The following CSRNP3 variants were observed in gnomAD, a reference collection of about 807,000 sequenced individuals.
The protein encoded by CSRNP3 is cysteine/serine-rich nuclear protein 3.
A neutral mutation model predicts 48.0 loss-of-function variants in CSRNP3; 12 were observed. The ratio of observed to expected loss-of-function variants is 0.25; its 90% CI spans 0.16 to 0.41. The LOEUF is 0.41. CSRNP3 is among the 10% of genes least tolerant of loss of function. The probability of loss-of-function intolerance (pLI) is 1.00; values close to 1 mark genes in which losing one functional copy is unlikely to be tolerated. For missense variants in CSRNP3, 580 were observed against 724.4 expected (o/e 0.80, Z 2.29); for synonymous variants, 263 against 269.7 (o/e 0.98, Z 0.24).
intron 3 of CSRNP3, among the ~76,000 whole-genome samples, chr2:165,578,499 G>T (rs542757354): frequency 6.6e-6 from 1 of 152,140 alleles, no homozygotes; most frequent in South Asian, 2.1e-4. Context: ...TGAAGAACTT[G>T]ATCTAAAGGA....
rs1282582805 is a variant in CSRNP3, at chr2:165,642,097, CACACAA to C, written c.149-15658_149-15653del. 3.1e-3 allele frequency among the ~76,000 whole-genome samples: 391 copies of C among 125,328 alleles called. 3 individuals carry two copies. The highest frequency in any genetic ancestry group is 0.013 in the African/African-American group (360 of 27,846). The allele number at this position is 125,328 out of a possible 152,430, so 82.2% of individuals were successfully genotyped here. On this transcript the variant is annotated intron_variant, in intron 4 of 6. Transcript: ENST00000651982. ...ATCCAGTAGTACCTGAGAATACACA[CACACAA>C]ACACACACACACACACACACACACA... is the stretch of plus-strand genomic sequence containing the variant.
At chr2:165,673,129 C>CTATTT (rs1687357217) in intron 5 of CSRNP3, among the ~76,000 whole-genome samples, 1 of 42,982 alleles carries the variant, frequency 2.3e-5, no homozygotes, top group Non-Finnish European at 5.2e-5. Context: ...CAGTATGTAG[C>CTATTT]TCTTTTTTTT....
At chr2:165,635,560 G>A (rs1452390474) in intron 4 of CSRNP3, among the ~76,000 whole-genome samples, 1 of 152,162 alleles carries the variant, frequency 6.6e-6, no homozygotes, top group Non-Finnish European at 1.5e-5. Context: ...GTAAGAACAT[G>A]TTATCATAGG....
At chr2:165,665,720 A>G (rs1179337937) in intron 5 of CSRNP3, among the ~76,000 whole-genome samples, 2 of 150,580 alleles carry the variant, frequency 1.3e-5, no homozygotes, top group Non-Finnish European at 3.0e-5. Flanking sequence ...TGATTGTGCC[A>G]TTGTACTGTA....
chr2:165,508,940 CTT>C (rs1462979933), intron 2 of CSRNP3, among the ~76,000 whole-genome samples: 1 of 152,102 alleles, frequency 6.6e-6, no homozygotes, highest in African/African-American at 2.4e-5. Flanking sequence ...TCCTTATAGA[CTT>C]ATACTTCACC....
intron 2 of CSRNP3, among the ~76,000 whole-genome samples, chr2:165,512,876 G>T (rs1443625504): frequency 2.0e-5 from 3 of 152,246 alleles, no homozygotes; most frequent in Admixed American, 2.0e-4. Context: ...AGGCCAAGGA[G>T]GGAGGATCAC....
chr2:165,591,781 G>T (rs1377063414), intron 3 of CSRNP3, among the ~76,000 whole-genome samples: 1 of 152,180 alleles, frequency 6.6e-6, no homozygotes, highest in Non-Finnish European at 1.5e-5. Context: ...CCTAGGGTTC[G>T]CAGGATGTAT....
chr2:165,550,976 CT>C (rs200948553), intron 3 of CSRNP3, among the ~76,000 whole-genome samples: 8 of 150,494 alleles, frequency 5.3e-5, no homozygotes, highest in South Asian at 2.1e-4. Flanking sequence ...AGAAGACTTA[CT>C]TTTTTTTTTC....
chr2:165,578,510 C>G (rs1326325301), intron 3 of CSRNP3, among the ~76,000 whole-genome samples: 2 of 151,982 alleles, frequency 1.3e-5, no homozygotes, highest in East Asian at 3.8e-4. Context: ...ATCTAAAGGA[C>G]TGTTGGTTCC....
intron 4 of CSRNP3, among the ~76,000 whole-genome samples, chr2:165,637,597 A>G (rs923373612): frequency 2.6e-5 from 4 of 152,218 alleles, no homozygotes; most frequent in Non-Finnish European, 2.9e-5. Flanking sequence ...ATGAATAAGT[A>G]CCAGTGCTTA....
At chr2:165,484,090 C>G (rs1253379263) in intron 1 of CSRNP3, among the ~76,000 whole-genome samples, 1 of 151,886 alleles carries the variant, frequency 6.6e-6, no homozygotes, top group Non-Finnish European at 1.5e-5. Flanking sequence ...TGCAACAATT[C>G]CCATTAGAGC....
At chr2:165,514,707 CCTCCTCCTGCTCCTT>C (rs1353060716) in intron 2 of CSRNP3, among the ~76,000 whole-genome samples, 1 of 152,120 alleles carries the variant, frequency 6.6e-6, no homozygotes, top group Non-Finnish European at 1.5e-5. Flanking sequence ...CTTCCCAACT[CCTCCTCCTGCTCCTT>C]CTCCTCCTGC....
chr2:165,628,981 G>A (rs1472275681), intron 4 of CSRNP3, among the ~76,000 whole-genome samples: 3 of 152,184 alleles, frequency 2.0e-5, no homozygotes, highest in African/African-American at 7.2e-5. Context: ...AGTCTTTCAG[G>A]TGGTAGAATT....
intron 2 of CSRNP3, among the ~76,000 whole-genome samples, chr2:165,497,007 G>A (rs1684291600): frequency 6.6e-6 from 1 of 152,064 alleles, no homozygotes; most frequent in Non-Finnish European, 1.5e-5. Context: ...TGAAAGTGAT[G>A]TTCTGGTTGT....
At chr2:165,471,358 CT>C (rs1252699270) in intron 1 of CSRNP3, among the ~76,000 whole-genome samples, 2 of 151,798 alleles carry the variant, frequency 1.3e-5, no homozygotes, top group Non-Finnish European at 2.9e-5. Flanking sequence ...TAATCCACCC[CT>C]CACCCCAAGA....
Position 165,490,302 on chromosome 2 carries a change from T to C in CSRNP3, c.-282-4457T>C, listed in dbSNP as rs1357419576. Among the ~76,000 whole-genome samples the C allele has an allele frequency of 6.0e-5, 9 of 149,440 alleles. No individual in the cohort carries two copies. In the East Asian group the frequency reaches 1.6e-3, roughly 26 times the overall value. On this transcript the variant is annotated intron_variant, in intron 1 of 6. Transcript: ENST00000651982. ...CACTGCTCAATGAAATAAAAGAGGA[T>C]ACAAACAAATGGAAGAAAATTCCAT...
intron 4 of CSRNP3, among the ~76,000 whole-genome samples, chr2:165,601,755 T>A (rs1685919420): frequency 6.6e-6 from 1 of 151,864 alleles, no homozygotes; most frequent in African/African-American, 2.4e-5. Flanking sequence ...CCAAAGTCAG[T>A]CTTTCCCCAG....
rs1479791722 is a variant in CSRNP3 at position 165,687,246 on chromosome 2, G to A, written c.*7493G>A. On this transcript the variant is annotated 3_prime_UTR_variant, in exon 7 of 7. Transcript: ENST00000651982. ...AATCAGATTTTTAAAGAAAGACACG[G>A]ATTCAGAGACAATGGTCTGTAACAT... The A allele has an allele frequency of 6.6e-6, 1 of 152,072 alleles. No individual in the cohort carries two copies. The highest frequency in any genetic ancestry group is 2.1e-4 in the South Asian group (1 of 4,830). 9.4% of individuals were successfully genotyped at this position (152,072 alleles called of 1,614,324 possible).
chr2:165,509,110 G>T (rs1265469314), intron 2 of CSRNP3, among the ~76,000 whole-genome samples: 2 of 152,060 alleles, frequency 1.3e-5, no homozygotes, highest in African/African-American at 4.8e-5. Context: ...CATTCAACAA[G>T]AGAAAGCCCC....
Sources: allele counts gnomAD v4.1 joint callset (sites outside exome capture counted in the v4.1 genomes callset), GRCh38; gene constraint gnomAD v4.1.1; transcripts MANE v1.5; gene names NCBI Gene and HGNC (gene_info 2026-07-23, HGNC 2026-07-21).